The following PHLDB2 variants were observed in gnomAD, a reference collection of about 807,000 sequenced individuals.
PHLDB2 encodes the protein pleckstrin homology-like domain family B member 2.
In PHLDB2, 71 loss-of-function variants were observed where a neutral mutation model predicts 123.6. The observed-to-expected ratio is 0.57, with a 90% CI of 0.47 to 0.70. The LOEUF (loss-of-function observed/expected upper bound fraction) is 0.70, where lower values mean the gene tolerates loss of function less well. PHLDB2 is among the 30% of genes least tolerant of loss of function. The pLI is 0.00. For missense variants in PHLDB2, 1,446 were observed against 1,519.5 expected (o/e 0.95, Z 0.80); for synonymous variants, 547 against 541.6 (o/e 1.01, Z -0.14).
intron 1 of PHLDB2, among the ~76,000 whole-genome samples, chr3:111,767,317 A>C (rs538507498): frequency 1.3e-5 from 2 of 152,270 alleles, no homozygotes; most frequent in East Asian, 3.9e-4. Flanking sequence ...GCTCCTCATA[A>C]TCTCCTGTCT....
At chr3:111,778,759 C>A (rs970369318) in intron 1 of PHLDB2, among the ~76,000 whole-genome samples, 1 of 151,958 alleles carries the variant, frequency 6.6e-6, no homozygotes, top group South Asian at 2.1e-4. Flanking sequence ...AATTTGGTCC[C>A]AAGAAACCAC....
At chr3:111,782,056 G>C (rs1175299691) in intron 1 of PHLDB2, among the ~76,000 whole-genome samples, 1 of 152,038 alleles carries the variant, frequency 6.6e-6, no homozygotes, top group African/African-American at 2.4e-5. Flanking sequence ...CTTATGTACT[G>C]TCTCAGGAAT....
intron 1 of PHLDB2, among the ~76,000 whole-genome samples, chr3:111,815,155 G>T (rs529882516): frequency 6.6e-6 from 1 of 152,104 alleles, no homozygotes. Flanking sequence ...CATCCATGTG[G>T]AACTGTAAGT....
At chr3:111,773,309 G>A (rs758116315) in intron 1 of PHLDB2, among the ~76,000 whole-genome samples, 7 of 152,104 alleles carry the variant, frequency 4.6e-5, no homozygotes, top group Non-Finnish European at 7.3e-5. Context: ...CATTTCCCAG[G>A]TGCCTTCAAT....
intron 1 of PHLDB2, among the ~76,000 whole-genome samples, chr3:111,839,940 CTTTTTTTTTTT>C (rs3082317): frequency 3.1e-5 from 2 of 64,940 alleles, no homozygotes; most frequent in East Asian, 5.1e-4. Context: ...CCCACCCCCG[CTTTTTTTTTTT>C]TTTTTTTTTT....
At chr3:111,770,565 C>T (rs1411341717) in intron 1 of PHLDB2, among the ~76,000 whole-genome samples, 1 of 152,130 alleles carries the variant, frequency 6.6e-6, no homozygotes, top group Admixed American at 6.6e-5. Flanking sequence ...ACTACAGACA[C>T]GCACTTGGGA....
At chr3:111,757,682 T>A (rs1158211593) in intron 1 of PHLDB2, among the ~76,000 whole-genome samples, 1 of 152,188 alleles carries the variant, frequency 6.6e-6, no homozygotes, top group African/African-American at 2.4e-5. Flanking sequence ...TTCTGCTCTG[T>A]TTTTTCCCCA....
At chr3:111,907,153 T>C (rs1025900856) in intron 2 of PHLDB2, among the ~76,000 whole-genome samples, 2 of 152,198 alleles carry the variant, frequency 1.3e-5, no homozygotes, top group African/African-American at 2.4e-5. Context: ...GAGAGCAGTG[T>C]CTCCACACAA....
intron 1 of PHLDB2, among the ~76,000 whole-genome samples, chr3:111,879,088 C>A (rs115911020): frequency 0.1 from 15,748 of 152,190 alleles, 1,065 homozygotes; most frequent in Non-Finnish European, 0.15. Context: ...GGGAGCATTT[C>A]CTCTTTTTCT....
chr3:111,871,468 C>T (rs2065333975), intron 1 of PHLDB2, among the ~76,000 whole-genome samples: 1 of 150,230 alleles, frequency 6.7e-6, no homozygotes, highest in Non-Finnish European at 1.5e-5. Flanking sequence ...AGAAACATGG[C>T]AAAAACCTGT....
intron 1 of PHLDB2, among the ~76,000 whole-genome samples, chr3:111,733,119 A>T (rs1044515082): frequency 2.6e-5 from 4 of 152,198 alleles, no homozygotes; most frequent in Non-Finnish European, 4.4e-5. Flanking sequence ...TATGGTATAG[A>T]ATAATATATT....
intron 1 of PHLDB2, among the ~76,000 whole-genome samples, chr3:111,812,368 A>C (rs979187062): frequency 4.6e-5 from 7 of 152,346 alleles, no homozygotes; most frequent in Admixed American, 3.9e-4. Flanking sequence ...CTTTGTAAGA[A>C]CAGTACTCTG....
intron 1 of PHLDB2, among the ~76,000 whole-genome samples, chr3:111,866,930 G>GGGGTGTGTGTGT (rs368134623): frequency 2.1e-4 from 26 of 126,066 alleles, no homozygotes; most frequent in South Asian, 7.7e-4. Context: ...GTTTCTAAGG[G>GGGGTGTGTGTGT]GTGTGTGTGT....
At chr3:111,852,328 ATTATG>A (rs1415929882) in intron 2 of PHLDB2, among the ~76,000 whole-genome samples, 2 of 148,414 alleles carry the variant, frequency 1.3e-5, no homozygotes, top group Non-Finnish European at 3.0e-5. Flanking sequence ...TATATATACA[ATTATG>A]TTATATGTAA....
At chr3:111,788,444 A>C (rs548028938) in intron 1 of PHLDB2, among the ~76,000 whole-genome samples, 1 of 152,346 alleles carries the variant, frequency 6.6e-6, no homozygotes, top group South Asian at 2.1e-4. Context: ...AAGAGGAGAA[A>C]GCATGTGTCA....
At chr3:111,742,499 C>T (rs2059620353) in intron 1 of PHLDB2, among the ~76,000 whole-genome samples, 1 of 152,020 alleles carries the variant, frequency 6.6e-6, no homozygotes, top group African/African-American at 2.4e-5. Context: ...TGTGATGTTC[C>T]CCTTCCTGTG....
intron 1 of PHLDB2, among the ~76,000 whole-genome samples, chr3:111,860,630 A>G (rs1286369529): frequency 1.3e-5 from 2 of 152,200 alleles, no homozygotes; most frequent in Non-Finnish European, 2.9e-5. Context: ...GAGCTTGAGA[A>G]GTCAAACTGC....
At chr3:111,919,048 C>A in intron 3 of PHLDB2, 24 bp from the exon 4 acceptor site, 1 of 1,610,524 alleles carries the variant, frequency 6.2e-7, no homozygotes, top group South Asian at 1.1e-5. Context: ...GTGAATAATC[C>A]ATTTCTGTGT....
In PHLDB2 at chr3:111,942,822, G is replaced by A. The variant is rs898408637; in HGVS notation, c.2397+2177G>A. 2.7e-5 allele frequency among the ~76,000 whole-genome samples: 4 copies of A among 149,004 alleles called. No homozygotes were observed. In the Admixed American group the frequency reaches 2.7e-4, roughly 10 times the overall value. On this transcript the variant is annotated intron_variant, in intron 8 of 17. Transcript: ENST00000431670. ...CTTAATATACAAATAATAATATATA[G>A]TATAATATGTTAATATTAATATATA...
Sources: allele counts gnomAD v4.1 joint callset (sites outside exome capture counted in the v4.1 genomes callset), GRCh38; gene constraint gnomAD v4.1.1; transcripts MANE v1.5; gene names NCBI Gene and HGNC (gene_info 2026-07-23, HGNC 2026-07-21).